HPN: variants seen among roughly 807,000 people sequenced by gnomAD.
HPN encodes serine protease hepsin.
Under a neutral mutation model 55.9 loss-of-function variants are expected in HPN, and 13 were observed. The ratio of observed to expected loss-of-function variants is 0.23; its 90% confidence interval spans 0.15 to 0.37. The LOEUF is 0.37. Ranked by LOEUF, HPN falls within the 10% of genes least tolerant of loss-of-function variation. HPN has a pLI of 1.00. For synonymous variants in HPN, 225 were observed against 240.3 expected (o/e 0.94, Z 0.59); for missense variants, 451 against 575.8 (o/e 0.78, Z 2.22).
Position 35,049,410 on chromosome 19 carries a change from C to T in HPN, c.118+19C>T, listed in dbSNP as rs773804346. On this transcript the variant is annotated intron_variant, in intron 3 of 12. Transcript: ENST00000672452. ...GCCATTGGTGAGAGCGGTTCCTGTG[C>T]CTCTGACCTCCCCTGGCCCCTGCAG... 5 of 1,608,820 alleles carry T rather than the reference C, an allele frequency of 3.1e-6. No individual in the cohort carries two copies. Among genetic ancestry groups the T allele is most frequent in the South Asian group, 2.2e-5 (2 of 90,600 alleles).
At chr19:35,060,192 C>T in intron 7 of HPN, 23 bp downstream of exon 7, 1 of 1,613,812 alleles carries the variant, frequency 6.2e-7, no homozygotes. Flanking sequence ...AACTCAGAAC[C>T]CTCTCCTTTA....
chr19:35,065,691 T>G lies in HPN; in HGVS notation c.1050+10T>G, dbSNP rs2064599099. The G allele has an allele frequency of 6.2e-7, 1 of 1,613,866 alleles. No homozygotes were observed. Among genetic ancestry groups the G allele is most frequent in the East Asian group, 2.2e-5 (1 of 44,894 alleles). ...CATTGATGCCTGCCAGGTGAGGGAC[T>G]CTGTAGGGGCAGCCCCCTGGTCGCT... On this transcript the variant is annotated intron_variant, in intron 11 of 12. Transcript: ENST00000672452.
In HPN at chr19:35,059,656, G is replaced by C; in HGVS notation, c.161-17G>C. ...GGCTGTGGGACCCAGGCGGCCCCGG[G>C]CCCTGTCGCCCTGCAGTGCAGGTCA... On this transcript the variant is annotated splice_polypyrimidine_tract_variant and intron_variant, in intron 4 of 12. Coordinates refer to ENST00000672452, the MANE Select transcript of HPN (RefSeq NM_001384133.1). The C allele has an allele frequency of 2.5e-6, 4 of 1,584,758 alleles. No individual in the cohort carries two copies. Among genetic ancestry groups the C allele is most frequent in the Non-Finnish European group, 3.4e-6 (4 of 1,166,396 alleles).
rs371721909 is a variant in HPN at position 35,062,067 on chromosome 19, G to GAAGA, written c.811+1263_811+1266dup. Among the ~76,000 whole-genome samples, 333 of 139,956 alleles carry GAAGA rather than the reference G, an allele frequency of 2.4e-3. 1 individual carries two copies. The highest frequency in any genetic ancestry group is 8.1e-3 in the African/African-American group (312 of 38,442). The allele number at this position is 139,956 out of a possible 152,430, so 91.8% of individuals were successfully genotyped here. On this transcript the variant is annotated intron_variant, in intron 9 of 12. Coordinates refer to ENST00000672452, the MANE Select transcript of HPN (RefSeq NM_001384133.1). ...AGCAAAACCTTGTCTGTTAAAAAAA[G>GAAGA]AAGAAAGAAAGAAAGAGAAAGAAAA...
Position 35,042,066 on chromosome 19 carries a change from C to T in HPN, c.-55+194C>T, listed in dbSNP as rs550696932. 2.9e-5 allele frequency: 33 copies of T among 1,134,878 alleles called. No homozygotes were observed. In the South Asian group the frequency reaches 4.6e-4, roughly 16 times the overall value. 70.3% of individuals were successfully genotyped at this position (1,134,878 alleles called of 1,614,324 possible). ...TCAGACTCAGCCGTTGGACCCCAGT[C>T]CTTTCCTCCCCAGACCCAGGAGTTC... On this transcript the variant is annotated intron_variant, in intron 1 of 12. Transcript: ENST00000672452.
In HPN at chr19:35,066,394, G is replaced by T; in HGVS notation, c.*107G>T. ...TTTTCTTCTTGGGCCCGGTCCACAG[G>T]TCCAAGGACACCCTCCCTCCAGGGT... On this transcript the variant is annotated 3_prime_UTR_variant, in exon 13 of 13. Coordinates refer to ENST00000672452, the MANE Select transcript of HPN (RefSeq NM_001384133.1). 6.9e-7 allele frequency: 1 copy of T among 1,446,408 alleles called. No homozygotes were observed. The highest frequency in any genetic ancestry group is 1.4e-5 in the African/African-American group (1 of 70,988). 89.6% of individuals were successfully genotyped at this position (1,446,408 alleles called of 1,614,324 possible). A position where few individuals can be genotyped will look rare whatever the true frequency, so the allele number is the denominator to read the frequency against.
intron 2 of HPN, 81 bp from the exon 3 acceptor site, chr19:35,049,209 A>G: frequency 1.0e-6 from 1 of 997,624 alleles, no homozygotes; most frequent in South Asian, 2.3e-5. Flanking sequence ...CCCTGGGGGC[A>G]GGGCAGAGCT....
chr19:35,054,779 C>T (rs752790784), intron 4 of HPN, among the ~76,000 whole-genome samples: 3 of 152,128 alleles, frequency 2.0e-5, no homozygotes, highest in Non-Finnish European at 4.4e-5. Flanking sequence ...GCGACGAGGC[C>T]TTGGTTGATG....
intron 4 of HPN, 51 bp from the exon 5 acceptor site, chr19:35,059,622 G>A (rs1180023705): frequency 1.3e-6 from 2 of 1,556,520 alleles, no homozygotes; most frequent in Non-Finnish European, 1.7e-6. Context: ...GGAAGCATGT[G>A]GGGAGCCTGG....
intron 9 of HPN, among the ~76,000 whole-genome samples, chr19:35,063,747 T>C (rs915983252): frequency 5.3e-5 from 8 of 152,164 alleles, no homozygotes; most frequent in African/African-American, 1.9e-4. Flanking sequence ...GGTGGACAGG[T>C]GGAAGCGGCT....
intron 2 of HPN, among the ~76,000 whole-genome samples, chr19:35,048,619 C>T (rs765833404): frequency 2.0e-5 from 3 of 152,084 alleles, no homozygotes; most frequent in African/African-American, 7.2e-5. Flanking sequence ...GCTGGCCAGA[C>T]GCAGTGGCTC....
At chr19:35,048,070 A>AAG (rs1491053784) in intron 2 of HPN, among the ~76,000 whole-genome samples, 6 of 51,896 alleles carry the variant, frequency 1.2e-4, no homozygotes, top group Admixed American at 1.0e-3. Context: ...GAAAGAAAGA[A>AAG]AGAAAGAAAG....
At chr19:35,043,275 T>C (rs2064311698) in intron 2 of HPN, among the ~76,000 whole-genome samples, 1 of 152,142 alleles carries the variant, frequency 6.6e-6, no homozygotes, top group African/African-American at 2.4e-5. Flanking sequence ...TTGCTGGCCC[T>C]TGGGAGTCTC....
intron 12 of HPN, 105 bp downstream of exon 12, chr19:35,066,137 G>A (rs1389568585): frequency 6.2e-7 from 1 of 1,612,834 alleles, no homozygotes; most frequent in East Asian, 2.2e-5. Context: ...AGGCCTAGAA[G>A]AGGGCCCCCC....
At chr19:35,049,225 C>G (rs889938691) in intron 2 of HPN, 65 bp from the exon 3 acceptor site, 1 of 1,236,986 alleles carries the variant, frequency 8.1e-7, no homozygotes, top group Non-Finnish European at 1.1e-6. Context: ...GAGCTGGCCT[C>G]GGGCCCAGAC....
intron 4 of HPN, among the ~76,000 whole-genome samples, chr19:35,051,640 G>A (rs1261081129): frequency 6.6e-6 from 1 of 151,368 alleles, no homozygotes; most frequent in Admixed American, 6.6e-5. Flanking sequence ...AACCCAGGCA[G>A]CCTGCGTAGT....
intron 4 of HPN, among the ~76,000 whole-genome samples, chr19:35,054,354 GT>G (rs1323376779): frequency 5.3e-5 from 8 of 150,508 alleles, no homozygotes; most frequent in Admixed American, 2.0e-4. Context: ...GGAGGCAGAG[GT>G]TGCAGTGAGC....
At chr19:35,065,428 G>A (rs911777846) in intron 10 of HPN, 83 bp downstream of exon 10, 2 of 1,563,998 alleles carry the variant, frequency 1.3e-6, no homozygotes, top group Non-Finnish European at 1.7e-6. Flanking sequence ...CTGGTTGGAT[G>A]AGTCTTGACC....
At chr19:35,056,605 C>T (rs930167742) in intron 4 of HPN, among the ~76,000 whole-genome samples, 2 of 152,162 alleles carry the variant, frequency 1.3e-5, no homozygotes, top group African/African-American at 4.8e-5. Flanking sequence ...CTAGCCTTCT[C>T]GTATATCCCA....
Sources: gnomAD v4.1 joint callset for allele counts (sites outside exome capture counted in the v4.1 genomes callset) on GRCh38, gnomAD v4.1.1 for gene constraint, MANE v1.5 for transcripts, NCBI Gene and HGNC (gene_info 2026-07-23, HGNC 2026-07-21) for gene names.